The following GFRA1 variants were observed in gnomAD, a reference collection of about 807,000 sequenced individuals.
GFRA1 encodes GDNF family receptor alpha-1.
GFRA1 carries 16 observed loss-of-function variants against 51.6 expected under a neutral mutation model. The observed-to-expected ratio is 0.31, with a 90% confidence interval of 0.21 to 0.47. GFRA1 has a LOEUF of 0.47. Among genes scored for constraint, GFRA1 ranks in the 20% least tolerant of loss-of-function variants. The pLI, the probability that GFRA1 is intolerant of heterozygous loss-of-function variation, is 1.00. For missense variants in GFRA1, 530 were observed against 594.3 expected (o/e 0.89, Z 1.13); for synonymous variants, 270 against 241.3 (o/e 1.12, Z -1.10).
intron 5 of GFRA1, among the ~76,000 whole-genome samples, chr10:116,170,947 C>T (rs1426572255): frequency 6.6e-6 from 1 of 152,184 alleles, no homozygotes; most frequent in East Asian, 1.9e-4. Context: ...CATCCTTTTG[C>T]TAACACATCC....
chr10:116,067,462 G>A (rs966194446), intron 9 of GFRA1, among the ~76,000 whole-genome samples: 3 of 152,188 alleles, frequency 2.0e-5, no homozygotes, highest in Admixed American at 6.5e-5. Flanking sequence ...TCCTATGCTC[G>A]TGGTCACAGC....
At chr10:116,232,181 A>G (rs10787637) in intron 4 of GFRA1, among the ~76,000 whole-genome samples, 41,388 of 152,100 alleles carry the variant, frequency 0.27, 6,067 homozygotes, top group South Asian at 0.42. Flanking sequence ...GCAACCTACT[A>G]AAACAAACAT....
At chr10:116,073,545 T>G (rs1412343117) in intron 9 of GFRA1, among the ~76,000 whole-genome samples, 1 of 152,170 alleles carries the variant, frequency 6.6e-6, no homozygotes, top group Non-Finnish European at 1.5e-5. Flanking sequence ...ACGTTTTGGT[T>G]TGGGGTGAGG....
chr10:116,137,183 A>G (rs546157473), intron 5 of GFRA1, among the ~76,000 whole-genome samples: 1 of 152,196 alleles, frequency 6.6e-6, no homozygotes, highest in East Asian at 1.9e-4. Context: ...TACACAATCT[A>G]CAAACATTGT....
chr10:116,215,327 T>C (rs1389706726), intron 4 of GFRA1, among the ~76,000 whole-genome samples: 1 of 152,190 alleles, frequency 6.6e-6, no homozygotes, highest in East Asian at 1.9e-4. Context: ...CAAAGGATAT[T>C]AGCCATTGAA....
upstream of GFRA1, among the ~76,000 whole-genome samples, chr10:116,274,620 G>A (rs1253521786): frequency 1.3e-5 from 2 of 152,042 alleles, no homozygotes; most frequent in Non-Finnish European, 2.9e-5. Context: ...GAGGGTCTGC[G>A]CCTCGGGGCG....
intron 5 of GFRA1, 82 bp downstream of exon 5, chr10:116,211,549 A>G: frequency 7.8e-7 from 1 of 1,273,958 alleles, no homozygotes; most frequent in Non-Finnish European, 1.1e-6. Flanking sequence ...GGGAAACCCC[A>G]TAACCCTCTG....
At chr10:116,209,589 T>C (rs1965034893) in intron 5 of GFRA1, among the ~76,000 whole-genome samples, 1 of 152,084 alleles carries the variant, frequency 6.6e-6, no homozygotes, top group Admixed American at 6.6e-5. Flanking sequence ...GTCTGTTCAC[T>C]TGAAGCTAAG....
chr10:116,169,999 C>T (rs1243911328), intron 5 of GFRA1, among the ~76,000 whole-genome samples: 1 of 152,138 alleles, frequency 6.6e-6, no homozygotes, highest in East Asian at 1.9e-4. Flanking sequence ...GGCACTCGCC[C>T]CAGCTCCTGC....
chr10:116,188,982 T>C (rs923463990), intron 5 of GFRA1, among the ~76,000 whole-genome samples: 1 of 150,004 alleles, frequency 6.7e-6, no homozygotes, highest in East Asian at 2.0e-4. Flanking sequence ...GGGGCAGGCA[T>C]GGTGGCTCAT....
At chr10:116,118,192 C>T (rs1957505388) in intron 6 of GFRA1, among the ~76,000 whole-genome samples, 3 of 152,150 alleles carry the variant, frequency 2.0e-5, no homozygotes, top group Admixed American at 2.0e-4. Context: ...CCATGGTGTC[C>T]AGTGGGTCTC....
chr10:116,114,220 G>A (rs1957323816), intron 6 of GFRA1, among the ~76,000 whole-genome samples: 1 of 152,194 alleles, frequency 6.6e-6, no homozygotes, highest in Non-Finnish European at 1.5e-5. Flanking sequence ...GTGGCCAAGA[G>A]GCTGCCAGAG....
At chr10:116,112,824 G>C (rs1164336105) in intron 6 of GFRA1, among the ~76,000 whole-genome samples, 1 of 152,206 alleles carries the variant, frequency 6.6e-6, no homozygotes, top group Admixed American at 6.5e-5. Flanking sequence ...AGGGGCTCCA[G>C]CGCTTGGCTG....
At chr10:116,196,779 TATA>T (rs1295065844) in intron 5 of GFRA1, among the ~76,000 whole-genome samples, 2 of 125,648 alleles carry the variant, frequency 1.6e-5, no homozygotes, top group African/African-American at 7.1e-5. Flanking sequence ...TAATACTGTA[TATA>T]ATATAATATA....
At chr10:116,186,175 G>C (rs974269243) in intron 5 of GFRA1, among the ~76,000 whole-genome samples, 1 of 152,208 alleles carries the variant, frequency 6.6e-6, no homozygotes, top group Non-Finnish European at 1.5e-5. Context: ...AGCGCTCACC[G>C]GAGATGGCAC....
intron 5 of GFRA1, among the ~76,000 whole-genome samples, chr10:116,186,707 A>G (rs539551931): frequency 8.5e-5 from 13 of 152,250 alleles, no homozygotes; most frequent in Admixed American, 1.3e-4. Context: ...CATCTGCTTA[A>G]TTAATCACAA....
At position 116,125,572 on chromosome 10, in the gene GFRA1, A is replaced by G. The variant is rs1276352694; in HGVS notation, c.434-15T>C. 3.1e-6 allele frequency: 5 copies of G among 1,598,440 alleles called. No individual in the cohort carries two copies. In the African/African-American group the frequency reaches 5.4e-5, roughly 17 times the overall value. On this transcript the variant is annotated splice_polypyrimidine_tract_variant and intron_variant, in intron 5 of 10. Transcript: ENST00000355422. ...AATGTGCTCCACTGCAAATGCAGAG[A>G]AAGACAGGCATGGTCACAGTGCTCG...
chr10:116,215,851 G>C (rs999749764), intron 4 of GFRA1, among the ~76,000 whole-genome samples: 2 of 152,098 alleles, frequency 1.3e-5, no homozygotes, highest in African/African-American at 4.8e-5. Context: ...ATGGACAAAG[G>C]AAAGCCTGTT....
intron 6 of GFRA1, among the ~76,000 whole-genome samples, 181 bp from the exon 7 acceptor site, chr10:116,096,945 C>T (rs554672819): frequency 6.6e-6 from 1 of 152,180 alleles, no homozygotes; most frequent in South Asian, 2.1e-4. Flanking sequence ...AAACTGTTGG[C>T]ATCCTTTCTC....
Sources: allele counts gnomAD v4.1 joint callset (sites outside exome capture counted in the v4.1 genomes callset), GRCh38; gene constraint gnomAD v4.1.1; transcripts MANE v1.5; gene names NCBI Gene and HGNC (gene_info 2026-07-23, HGNC 2026-07-21).